FOXRED2: variants seen among roughly 807,000 people sequenced by gnomAD.
The protein encoded by FOXRED2 is FAD-dependent oxidoreductase domain-containing protein 2.
A neutral mutation model predicts 52.5 loss-of-function variants in FOXRED2; 32 were observed. That is an observed-to-expected ratio of 0.61 (90% CI 0.46 to 0.82). The LOEUF (loss-of-function observed/expected upper bound fraction) is 0.82. Ranked by LOEUF, FOXRED2 falls within the 40% of genes least tolerant of loss-of-function variation. The pLI is 0.00. For missense variants in FOXRED2, 848 were observed against 937.5 expected, an observed-to-expected ratio of 0.90 and a Z score of 1.25; for synonymous variants, 405 against 398.1, an observed-to-expected ratio of 1.02 and a Z score of -0.21.
At chr22:36,501,199 G>C in intron 5 of FOXRED2, 42 bp downstream of exon 5, 1 of 1,600,176 alleles carries the variant, frequency 6.2e-7, no homozygotes, top group Non-Finnish European at 8.6e-7. Context: ...TGCTGAGAGT[G>C]GTTCCGTCTG....
At position 36,501,235 on chromosome 22, in the gene FOXRED2, G is replaced by A; in HGVS notation, c.1216+6C>T. ...GGGACAGTTCTGCCTTCTCAGCTGG[G>A]CTCACCTGTGTATCGGAATCCGTGG... On this transcript the variant is annotated splice_donor_region_variant and intron_variant, in intron 5 of 8. Transcript: ENST00000397224. The A allele has an allele frequency of 6.2e-7, 1 of 1,613,616 alleles. No individual in the cohort carries two copies. The highest frequency in any genetic ancestry group is 8.5e-7 in the Non-Finnish European group (1 of 1,179,908).
intron 8 of FOXRED2, 75 bp downstream of exon 8, chr22:36,493,541 TATGGGTCCTGAAACTCC>T: frequency 1.8e-6 from 2 of 1,102,624 alleles, no homozygotes; most frequent in Non-Finnish European, 2.6e-6. Context: ...GATTTCCAGA[TATGGGTCCTGAAACTCC>T]ACGGGTCTTG....
chr22:36,490,188 G>A lies in FOXRED2; in HGVS notation c.1875C>T (p.Leu625=), dbSNP rs752350418. The change falls in exon 9 of 9, where the codon CTC becomes CTT. Residue 625 remains leucine, a synonymous_variant. Transcript: ENST00000397224. ...GCTGCCAAAGGCTCTCGGTACTCAC[G>A]AGTCCCTGCATCCTCAGGTACCCCT... ...CQQGYLRMQG[L]VSTESLWQHR... is the part of the protein sequence containing the mutation. The A allele has an allele frequency of 1.4e-5, 22 of 1,613,952 alleles. No individual in the cohort carries two copies. The highest frequency in any genetic ancestry group is 1.3e-4 in the East Asian group (6 of 44,896).
At chr22:36,498,522 A>G (rs1933963822) in intron 5 of FOXRED2, 1 of 191,298 alleles carries the variant, frequency 5.2e-6, no homozygotes, top group South Asian at 1.3e-4. Flanking sequence ...GCTTCAGGCC[A>G]TCTGCACGTG....
intron 5 of FOXRED2, among the ~76,000 whole-genome samples, chr22:36,500,863 C>T (rs1176601096): frequency 3.3e-5 from 5 of 151,908 alleles, no homozygotes; most frequent in Non-Finnish European, 5.9e-5. Flanking sequence ...GGATTACAGG[C>T]GTGAGCCATT....
In FOXRED2 at chr22:36,487,681, A is replaced by G. The variant is rs544294754; in HGVS notation, c.*2327T>C. 2.0e-5 allele frequency: 3 copies of G among 152,360 alleles called. No individual in the cohort carries two copies. Among genetic ancestry groups the G allele is most frequent in the African/African-American group, 7.2e-5 (3 of 41,590 alleles). The allele number at this position is 152,360 out of a possible 1,614,324, so 9.4% of individuals were successfully genotyped here. A position where few individuals can be genotyped will look rare whatever the true frequency, so the allele number is the denominator to read the frequency against. On this transcript the variant is annotated 3_prime_UTR_variant, in exon 9 of 9. Transcript: ENST00000397224. The stretch of plus-strand genomic sequence containing the variant: ...TTTGAAGAAGAATTTATGATATCCT[A>G]CATTATCATGGGGTAAACAATTCGT...
intron 8 of FOXRED2, among the ~76,000 whole-genome samples, chr22:36,490,554 C>T (rs1933730101): frequency 6.6e-6 from 1 of 152,270 alleles, no homozygotes; most frequent in Non-Finnish European, 1.5e-5. Flanking sequence ...AGCTCCCAGA[C>T]ATCAGGGCTG....
In FOXRED2 at chr22:36,490,120, C is replaced by A; in HGVS notation, c.1943G>T (p.Gly648Val). The change falls in exon 9 of 9, where the codon GGC becomes GTC. Residue 648 changes from glycine to valine, a missense_variant. Coordinates refer to ENST00000397224, the MANE Select transcript of FOXRED2 (RefSeq NM_001102371.2). ...SRLLRDYAPT[G>V]RRLEDSSQQL... ...CTGGCTGCTGTCCTCCAGGCGCCTG[C>A]CTGTGGGGGCATAGTCCCGCAGGAG... 3 of 1,613,984 alleles carry A rather than the reference C, an allele frequency of 1.9e-6. No individual in the cohort carries two copies. The highest frequency in any genetic ancestry group is 2.5e-6 in the Non-Finnish European group (3 of 1,179,892).
rs762812165 is a variant in FOXRED2 at position 36,506,320 on chromosome 22, C to A, written c.103G>T (p.Val35Leu). The change falls in exon 2 of 9, where the codon GTG becomes TTG. Residue 35 changes from valine (V) to leucine (L), a missense_variant. Physicochemically the swap from Val to Leu is conservative, Grantham distance 32. Coordinates refer to ENST00000397224, the MANE Select transcript of FOXRED2 (RefSeq NM_001102371.2). ...LSVPPRRDYC[V>L]LGAGPAGLQM... ...AGGCCCGCGGGCCCAGCGCCCAGCACGCAGTAGTCCCGGCGCGGGGGCACC... is the reference window on the plus strand; with the variant it reads ...AGGCCCGCGGGCCCAGCGCCCAGCAAGCAGTAGTCCCGGCGCGGGGGCACC... 1 of 1,531,522 alleles carries A rather than the reference C, an allele frequency of 6.5e-7. No homozygotes were observed. The highest frequency in any genetic ancestry group is 8.8e-7 in the Non-Finnish European group (1 of 1,142,376). 94.9% of individuals were successfully genotyped at this position (1,531,522 alleles called of 1,614,324 possible). A position where few individuals can be genotyped will look rare whatever the true frequency, so the allele number is the denominator to read the frequency against.
Position 36,496,158 on chromosome 22 carries a change from G to A in FOXRED2, c.1433C>T (p.Ala478Val), listed in dbSNP as rs995768946. The stretch of plus-strand genomic sequence containing the variant: ...CCTCCCTGTGAGTGTCTCCAGCTGG[G>A]CCAGCATCTGTATGGGGAACTCCTC... ...YLEEFPIQMLAQLETLTGRKA... is the reference protein window; with the variant it reads ...YLEEFPIQMLVQLETLTGRKA... Residue 478 changes from alanine to valine, a missense_variant, in exon 7 of 9, where the codon GCC becomes GTC. Ala to Val is a moderately conservative substitution (Grantham distance 64). Transcript: ENST00000397224. 1 of 1,614,122 alleles carries A rather than the reference G, an allele frequency of 6.2e-7. No homozygotes were observed. Among genetic ancestry groups the A allele is most frequent in the Non-Finnish European group, 8.5e-7 (1 of 1,180,026 alleles).
rs915077983 is a variant in FOXRED2 at position 36,489,734 on chromosome 22, A to G, written c.*274T>C. The G allele has an allele frequency of 1.6e-5, 6 of 374,744 alleles. No individual in the cohort carries two copies. The highest frequency in any genetic ancestry group is 1.2e-4 in the African/African-American group (6 of 48,218). 23.2% of individuals were successfully genotyped at this position (374,744 alleles called of 1,614,324 possible). The stretch of plus-strand genomic sequence containing the variant: ...AACTGGGCTGGCCTGGGGCTCAGCG[A>G]CAGCTCCATTGCAGACAAACTGGGC... On this transcript the variant is annotated 3_prime_UTR_variant, in exon 9 of 9. Coordinates refer to ENST00000397224, the MANE Select transcript of FOXRED2 (RefSeq NM_001102371.2).
rs1933710917 is a variant in FOXRED2 at position 36,490,080 on chromosome 22, T to C, written c.1983A>G (p.Gln661=). The change falls in exon 9 of 9, where the codon CAA becomes CAG. Residue 661 remains glutamine (Q), a synonymous_variant. Coordinates refer to ENST00000397224, the MANE Select transcript of FOXRED2 (RefSeq NM_001102371.2). ...LEDSSQQLGD[Q]EPLGSPLAPG... ...GAGCCAGGGGGGAACCTAGTGGCTCTTGGTCGCCAAGCTGCTGGCTGCTGT... is the reference window on the plus strand; with the variant it reads ...GAGCCAGGGGGGAACCTAGTGGCTCCTGGTCGCCAAGCTGCTGGCTGCTGT... The C allele has an allele frequency of 3.1e-6, 5 of 1,613,628 alleles. No homozygotes were observed. The South Asian group carries it at 3.3e-5, about 11-fold the overall frequency.
At chr22:36,492,280 G>T (rs191940579) in intron 8 of FOXRED2, among the ~76,000 whole-genome samples, 45 of 152,262 alleles carry the variant, frequency 3.0e-4, no homozygotes, top group Admixed American at 7.8e-4. Context: ...CAGAATCTGG[G>T]GCCAGCACTA....
intron 8 of FOXRED2, among the ~76,000 whole-genome samples, chr22:36,492,890 G>A (rs1239496490): frequency 2.0e-5 from 3 of 152,290 alleles, no homozygotes; most frequent in Non-Finnish European, 2.9e-5. Context: ...CATGAAGTTT[G>A]GCCCCAAATT....
intron 2 of FOXRED2, 109 bp downstream of exon 2, chr22:36,505,787 G>T: frequency 8.7e-7 from 1 of 1,154,800 alleles, no homozygotes; most frequent in Non-Finnish European, 1.2e-6. Context: ...AAAAAAAAGC[G>T]AAATACCCTT....
At chr22:36,493,992 T>A (rs931175104) in intron 7 of FOXRED2, among the ~76,000 whole-genome samples, 189 bp from the exon 8 acceptor site, 2 of 152,232 alleles carry the variant, frequency 1.3e-5, no homozygotes, top group African/African-American at 4.8e-5. Context: ...TTTGAAAGGC[T>A]GCCATGAGGA....
chr22:36,489,831 C>T lies in FOXRED2; in HGVS notation c.*177G>A. The T allele has an allele frequency of 1.7e-6, 1 of 584,690 alleles. No individual in the cohort carries two copies. The highest frequency in any genetic ancestry group is 3.2e-5 in the East Asian group (1 of 31,150). The allele number at this position is 584,690 out of a possible 1,614,324, so 36.2% of individuals were successfully genotyped here. On this transcript the variant is annotated 3_prime_UTR_variant, in exon 9 of 9. Coordinates refer to ENST00000397224, the MANE Select transcript of FOXRED2 (RefSeq NM_001102371.2). ...GACAGGAGGGAGGAGACCACCGCAT[C>T]CCCGACTTTCAGCCCTCACGTGCCA...
At position 36,506,165 on chromosome 22, in the gene FOXRED2, C is replaced by T. The variant is rs766315959; in HGVS notation, c.258G>A (p.Thr86=). The T allele has an allele frequency of 1.3e-5, 21 of 1,614,138 alleles. No homozygotes were observed. The highest frequency in any genetic ancestry group is 1.6e-4 in the Middle Eastern group (1 of 6,084). ...GGTTGAACTCGGCGTTAGCCTTGCC[C>T]GTGTACCGCTTGTTGATGCTGATGA... ...RKLISINKRY[T]GKANAEFNLR... Residue 86 remains threonine (T), a synonymous_variant, in exon 2 of 9, where the codon ACG becomes ACA. Transcript: ENST00000397224.
At chr22:36,496,473 G>C (rs1233372053) in intron 6 of FOXRED2, among the ~76,000 whole-genome samples, 1 of 152,038 alleles carries the variant, frequency 6.6e-6, no homozygotes, top group African/African-American at 2.4e-5. Context: ...AAAGCCCTGA[G>C]GAGTATGTGA....
Sources: gnomAD v4.1 joint callset for allele counts (sites outside exome capture counted in the v4.1 genomes callset) on GRCh38, gnomAD v4.1.1 for gene constraint, MANE v1.5 for transcripts, NCBI Gene and HGNC (gene_info 2026-07-23, HGNC 2026-07-21) for gene names.